Variants in FHIT observed in about 807,000 individuals in gnomAD.
FHIT encodes bis(5'-adenosyl)-triphosphatase.
In FHIT, 19 loss-of-function variants were observed where a neutral mutation model predicts 17.9. That is an observed-to-expected ratio of 1.06 (90% CI 0.74 to 1.56). The LOEUF is 1.56. Among genes scored for constraint, FHIT ranks in the 40% most tolerant of loss-of-function variants. FHIT has a pLI of 0.00. For missense variants in FHIT, 248 were observed against 189.2 expected (o/e 1.31, Z -1.82); for synonymous variants, 81 against 69.7 (o/e 1.16, Z -0.81).
chr3:60,054,104 GA>G (rs1328751733), intron 5 of FHIT, among the ~76,000 whole-genome samples: 2 of 151,980 alleles, frequency 1.3e-5, no homozygotes, highest in African/African-American at 4.8e-5. Flanking sequence ...GCTATGATAG[GA>G]AAAAAATCAG....
At chr3:60,266,459 T>C (rs1706581114) in intron 5 of FHIT, among the ~76,000 whole-genome samples, 1 of 152,008 alleles carries the variant, frequency 6.6e-6, no homozygotes, top group East Asian at 1.9e-4. Context: ...GTGATGAAAA[T>C]GGTCTAAAAA....
At chr3:60,348,764 T>C (rs1358995471) in intron 5 of FHIT, among the ~76,000 whole-genome samples, 7 of 152,204 alleles carry the variant, frequency 4.6e-5, no homozygotes, top group Admixed American at 2.0e-4. Context: ...TATCAGCAAA[T>C]GGACTTGGAA....
chr3:60,090,792 G>A (rs1323089327), intron 5 of FHIT, among the ~76,000 whole-genome samples: 2 of 152,176 alleles, frequency 1.3e-5, no homozygotes, highest in Admixed American at 1.3e-4. Flanking sequence ...CATCTAAGGA[G>A]ACAAGTGTTA....
At chr3:60,007,466 C>T (rs1699969612) in intron 7 of FHIT, among the ~76,000 whole-genome samples, 1 of 152,242 alleles carries the variant, frequency 6.6e-6, no homozygotes, top group Admixed American at 6.5e-5. Context: ...TTCGTTCCAA[C>T]AAGCAACAAG....
intron 3 of FHIT, among the ~76,000 whole-genome samples, chr3:60,898,864 G>C (rs1553762511): frequency 6.6e-6 from 1 of 152,190 alleles, no homozygotes; most frequent in African/African-American, 2.4e-5. Context: ...GAATTTATGG[G>C]AAAGCTTCTC....
At chr3:60,756,396 G>A (rs2042572117) in intron 4 of FHIT, among the ~76,000 whole-genome samples, 1 of 152,170 alleles carries the variant, frequency 6.6e-6, no homozygotes, top group African/African-American at 2.4e-5. Context: ...CATTTGTCTG[G>A]CAAATACGAT....
chr3:60,931,652 A>T (rs1236679110), intron 3 of FHIT, among the ~76,000 whole-genome samples: 3 of 152,202 alleles, frequency 2.0e-5, no homozygotes, highest in Non-Finnish European at 2.9e-5. Context: ...GAGCACCTGT[A>T]AAAGTCCCTG....
At chr3:60,898,684 A>G (rs1705950317) in intron 3 of FHIT, among the ~76,000 whole-genome samples, 1 of 152,170 alleles carries the variant, frequency 6.6e-6, no homozygotes, top group Non-Finnish European at 1.5e-5. Context: ...TCACTCAGAG[A>G]AGAACATTTT....
intron 5 of FHIT, among the ~76,000 whole-genome samples, chr3:60,430,042 T>G (rs955003500): frequency 2.0e-5 from 3 of 151,876 alleles, no homozygotes; most frequent in Non-Finnish European, 4.4e-5. Context: ...ACTGACTGAC[T>G]GGAGAAGAAC....
At chr3:59,963,821 T>C (rs1028766220) in intron 7 of FHIT, among the ~76,000 whole-genome samples, 1 of 152,158 alleles carries the variant, frequency 6.6e-6, no homozygotes, top group African/African-American at 2.4e-5. Context: ...TGTGAATAAA[T>C]AAATGAGTAA....
chr3:61,084,455 G>C (rs943057059), intron 2 of FHIT, among the ~76,000 whole-genome samples: 1 of 152,112 alleles, frequency 6.6e-6, no homozygotes, highest in South Asian at 2.1e-4. Context: ...ATGAAATTTA[G>C]AGATCAATTT....
At chr3:59,941,096 A>G (rs1029238724) in intron 7 of FHIT, among the ~76,000 whole-genome samples, 38 of 152,246 alleles carry the variant, frequency 2.5e-4, no homozygotes, top group Non-Finnish European at 2.9e-5. Flanking sequence ...GACAGGAAGT[A>G]TCTCTAACTC....
At chr3:60,046,090 T>G (rs1701641397) in intron 5 of FHIT, among the ~76,000 whole-genome samples, 2 of 152,208 alleles carry the variant, frequency 1.3e-5, no homozygotes, top group South Asian at 4.1e-4. Flanking sequence ...TGCCTAATAT[T>G]TCATATATGA....
intron 8 of FHIT, 90 bp downstream of exon 8, chr3:59,922,256 T>C (rs1181156604): frequency 5.4e-6 from 6 of 1,120,784 alleles, no homozygotes; most frequent in Non-Finnish European, 8.1e-6. Context: ...TTTCAGACCA[T>C]ATCTAGGGTA....
At chr3:60,082,455 T>C (rs1017414297) in intron 5 of FHIT, among the ~76,000 whole-genome samples, 1 of 152,160 alleles carries the variant, frequency 6.6e-6, no homozygotes, top group African/African-American at 2.4e-5. Flanking sequence ...TGTATCAGTT[T>C]GGTGGAACAG....
intron 5 of FHIT, among the ~76,000 whole-genome samples, chr3:60,505,243 G>C (rs997176588): frequency 3.3e-5 from 5 of 152,100 alleles, no homozygotes; most frequent in Admixed American, 6.5e-5. Flanking sequence ...CTCTGCTATG[G>C]CTAAGTAGTT....
At chr3:60,390,087 TTGAA>T (rs1408940189) in intron 5 of FHIT, among the ~76,000 whole-genome samples, 2 of 152,308 alleles carry the variant, frequency 1.3e-5, no homozygotes, top group African/African-American at 2.4e-5. Flanking sequence ...CATTGTCACT[TTGAA>T]TAATACCAAA....
At chr3:60,820,427 A>G (rs782668481) in intron 4 of FHIT, among the ~76,000 whole-genome samples, 12 of 152,240 alleles carry the variant, frequency 7.9e-5, no homozygotes, top group Non-Finnish European at 1.8e-4. Flanking sequence ...ATTTTACCTC[A>G]TTTCATTTAC....
At chr3:60,956,607 G>A (rs1287523838) in intron 3 of FHIT, among the ~76,000 whole-genome samples, 1 of 152,130 alleles carries the variant, frequency 6.6e-6, no homozygotes, top group Admixed American at 6.5e-5. Flanking sequence ...CCCAACCAAG[G>A]TCAAAATCTG....
Sources: gnomAD v4.1 joint callset for allele counts (sites outside exome capture counted in the v4.1 genomes callset) on GRCh38, gnomAD v4.1.1 for gene constraint, MANE v1.5 for transcripts, NCBI Gene and HGNC (gene_info 2026-07-23, HGNC 2026-07-21) for gene names.